Variants in CREB3L1 observed in about 807,000 individuals in gnomAD.
CREB3L1 encodes cAMP responsive element binding protein 3 like 1.
CREB3L1 carries 33 observed loss-of-function variants against 54.5 expected under a neutral mutation model. That is an observed-to-expected ratio of 0.61 (90% CI 0.46 to 0.81). The LOEUF (loss-of-function observed/expected upper bound fraction) is 0.81, where lower values mean the gene tolerates loss of function less well. Ranked by LOEUF, CREB3L1 falls within the 30% of genes least tolerant of loss-of-function variation. The pLI is 0.00. For synonymous variants in CREB3L1, 284 were observed against 286.4 expected, an observed-to-expected ratio of 0.99 and a Z score of 0.08; for missense variants, 656 against 673.3, an observed-to-expected ratio of 0.97 and a Z score of 0.29.
At chr11:46,307,743 G>C in intron 2 of CREB3L1, 73 bp from the exon 3 acceptor site, 1 of 1,327,952 alleles carries the variant, frequency 7.5e-7, no homozygotes, top group Non-Finnish European at 1.0e-6. Context: ...TCAGCCTAGG[G>C]TAGCTCCCAG....
Position 46,312,683 on chromosome 11 carries a change from G to T in CREB3L1, c.962+13G>T, listed in dbSNP as rs1293005947. 2 of 1,603,560 alleles carry T rather than the reference G, an allele frequency of 1.2e-6. No individual in the cohort carries two copies. The highest frequency in any genetic ancestry group is 2.7e-5 in the African/African-American group (2 of 74,846). The stretch of plus-strand genomic sequence containing the variant: ...GTCTAGAAAAGAAGTAAGGGGCTTG[G>T]GAGGGGTGGGCAATCCACTCCCTTG... On this transcript the variant is annotated intron_variant, in intron 7 of 11. Coordinates refer to ENST00000621158, the MANE Select transcript of CREB3L1 (RefSeq NM_052854.4).
chr11:46,285,341 T>A (rs1280972710), intron 1 of CREB3L1, among the ~76,000 whole-genome samples: 1 of 151,824 alleles, frequency 6.6e-6, no homozygotes, highest in Non-Finnish European at 1.5e-5. Flanking sequence ...TTGGGTGGAG[T>A]TAAGTCAAGA....
intron 1 of CREB3L1, among the ~76,000 whole-genome samples, chr11:46,296,833 C>T (rs1939217865): frequency 6.6e-6 from 1 of 152,156 alleles, no homozygotes; most frequent in Non-Finnish European, 1.5e-5. Context: ...GCTGCTGTTT[C>T]TAGCAGGTGG....
rs772466663 is a variant in CREB3L1, at chr11:46,307,964, C to T, written c.480C>T (p.Gly160=). The T allele has an allele frequency of 1.3e-6, 2 of 1,562,482 alleles. No individual in the cohort carries two copies. The highest frequency in any genetic ancestry group is 2.4e-5 in the East Asian group (1 of 41,746). The part of the protein sequence containing the change: ...AAAMATTPLL[G]LSPLSRLPIP... ...CCATGGCCACCACCCCGCTGCTGGG[C>T]CTCAGCCCCTTGTCCAGGCTGCCCA... The change falls in exon 3 of 12, where the codon GGC becomes GGT. Residue 160 remains glycine (G), a synonymous_variant. Transcript: ENST00000621158.
rs1014923136 is a variant in CREB3L1 at position 46,312,928 on chromosome 11, T to C, written c.1031+9T>C. Reference sequence around the variant, plus strand: ...CTGGAGAATGCCAACAGGTGGGTAGTGCCTCCTGCATCCAACCTGGCCCCC... The same window carrying C: ...CTGGAGAATGCCAACAGGTGGGTAGCGCCTCCTGCATCCAACCTGGCCCCC... On this transcript the variant is annotated intron_variant, in intron 8 of 11. Transcript: ENST00000621158. 2 of 1,572,062 alleles carry C rather than the reference T, an allele frequency of 1.3e-6. No individual in the cohort carries two copies. Among genetic ancestry groups the C allele is most frequent in the South Asian group, 2.3e-5 (2 of 85,610 alleles).
intron 1 of CREB3L1, among the ~76,000 whole-genome samples, chr11:46,299,657 C>T (rs751116282): frequency 6.6e-6 from 1 of 152,134 alleles, no homozygotes; most frequent in African/African-American, 2.4e-5. Context: ...CCATCCTGAG[C>T]TCACCCTTGC....
chr11:46,280,681 G>A (rs1436815579), intron 1 of CREB3L1, among the ~76,000 whole-genome samples: 1 of 152,166 alleles, frequency 6.6e-6, no homozygotes, highest in Admixed American at 6.5e-5. Flanking sequence ...GAATTGCTCA[G>A]CTACGAGTTG....
rs1665017362 is a variant in CREB3L1 at position 46,321,112 on chromosome 11, A to G, written c.*366A>G. 3 of 487,034 alleles carry G rather than the reference A, an allele frequency of 6.2e-6. No homozygotes were observed. The allele number at this position is 487,034 out of a possible 1,614,324, so 30.2% of individuals were successfully genotyped here. The stretch of plus-strand genomic sequence containing the variant: ...ACCCCTTACCCCACCCCCACTGTAC[A>G]GAGACCAAGAACAGAAATTGTTTGT... On this transcript the variant is annotated 3_prime_UTR_variant, in exon 12 of 12. Coordinates refer to ENST00000621158, the MANE Select transcript of CREB3L1 (RefSeq NM_052854.4).
intron 1 of CREB3L1, among the ~76,000 whole-genome samples, chr11:46,292,476 A>G (rs962649195): frequency 3.9e-4 from 59 of 152,360 alleles, no homozygotes; most frequent in African/African-American, 1.4e-3. Context: ...TGGACACAGC[A>G]AGACATATAG....
chr11:46,279,909 T>C (rs1938940914), intron 1 of CREB3L1, among the ~76,000 whole-genome samples: 1 of 152,146 alleles, frequency 6.6e-6, no homozygotes. Context: ...CCCCAGCTGC[T>C]TATCTGGGCC....
chr11:46,278,885 C>T lies in CREB3L1; in HGVS notation c.102+672C>T, dbSNP rs901056135. Among the ~76,000 whole-genome samples, 15 of 152,280 alleles carry T rather than the reference C, an allele frequency of 9.9e-5. No individual in the cohort carries two copies. The highest frequency in any genetic ancestry group is 1.9e-4 in the Non-Finnish European group (13 of 68,000). Reference sequence around the variant, plus strand: ...TCCTGGAGTCTGGCTGACTTTCTCCCTCTCCCTATGTCTTCTTGACTAGGT... The same window carrying T: ...TCCTGGAGTCTGGCTGACTTTCTCCTTCTCCCTATGTCTTCTTGACTAGGT... On this transcript the variant is annotated intron_variant, in intron 1 of 11. Coordinates refer to ENST00000621158, the MANE Select transcript of CREB3L1 (RefSeq NM_052854.4). The surrounding 1 kb of genome is among the most constrained non-coding windows in gnomAD (Gnocchi z 4.2).
Position 46,320,956 on chromosome 11 carries a change from C to T in CREB3L1, c.*210C>T, listed in dbSNP as rs372357504. ...TTCTCATTCTCCTTCCCACCAACAT[C>T]CATCCGTCCTTCTCAGACAAACCAC... On this transcript the variant is annotated 3_prime_UTR_variant, in exon 12 of 12. Coordinates refer to ENST00000621158, the MANE Select transcript of CREB3L1 (RefSeq NM_052854.4). 1 of 692,906 alleles carries T rather than the reference C, an allele frequency of 1.4e-6. No homozygotes were observed. The highest frequency in any genetic ancestry group is 1.5e-5 in the South Asian group (1 of 65,828). 42.9% of individuals were successfully genotyped at this position (692,906 alleles called of 1,614,324 possible). A position where few individuals can be genotyped will look rare whatever the true frequency, so the allele number is the denominator to read the frequency against.
intron 1 of CREB3L1, among the ~76,000 whole-genome samples, chr11:46,291,352 C>T (rs954331943): frequency 2.6e-5 from 4 of 152,190 alleles, no homozygotes; most frequent in Non-Finnish European, 5.9e-5. Flanking sequence ...AAGCACTTCG[C>T]AATTGTTGTC....
Position 46,310,065 on chromosome 11 carries a change from C to G in CREB3L1, c.593C>G (p.Pro198Arg). 1.3e-6 allele frequency: 2 copies of G among 1,587,802 alleles called. No individual in the cohort carries two copies. The highest frequency in any genetic ancestry group is 1.7e-6 in the Non-Finnish European group (2 of 1,166,886). Residue 198 changes from proline to arginine, a missense_variant and splice_region_variant, in exon 4 of 12, where the codon CCG becomes CGG. By Grantham distance (103) the Pro-to-Arg change is moderately radical (BLOSUM62 -2). Around this residue, in one of 3 missense-constraint regions of CREB3L1, gnomAD observed 339 missense variants for 331.5 expected, o/e 1.02. Coordinates refer to ENST00000621158, the MANE Select transcript of CREB3L1 (RefSeq NM_052854.4). Reference protein sequence around the residue: ...LEVNQFLKVTPEDLVQMPPTP... With the variant: ...LEVNQFLKVTREDLVQMPPTP... The stretch of plus-strand genomic sequence containing the variant: ...GTGAACCAGTTCCTCAAAGTGACAC[C>G]GGGTAGGTGTGTCCAGGGGAAGGGC...
chr11:46,300,180 C>A lies in CREB3L1; in HGVS notation c.331+17C>A, dbSNP rs531484710. 3.3e-5 allele frequency: 53 copies of A among 1,590,616 alleles called. No homozygotes were observed. Among genetic ancestry groups the A allele is most frequent in the African/African-American group, 1.1e-4 (8 of 74,486 alleles). On this transcript the variant is annotated intron_variant, in intron 2 of 11. Coordinates refer to ENST00000621158, the MANE Select transcript of CREB3L1 (RefSeq NM_052854.4). The stretch of plus-strand genomic sequence containing the variant: ...CCACCCAAGGTAAGAGGTGGAAGAA[C>A]CTGGGGACAGCACAGGCCCAGGAGG...
Position 46,278,289 on chromosome 11 carries a change from C to A in CREB3L1, c.102+76C>A. The A allele has an allele frequency of 1.2e-6, 1 of 866,384 alleles. No homozygotes were observed. The highest frequency in any genetic ancestry group is 1.8e-6 in the Non-Finnish European group (1 of 556,998). The allele number at this position is 866,384 out of a possible 1,614,324, so 53.7% of individuals were successfully genotyped here. A position where few individuals can be genotyped will look rare whatever the true frequency, so the allele number is the denominator to read the frequency against. On this transcript the variant is annotated intron_variant, in intron 1 of 11. Coordinates refer to ENST00000621158, the MANE Select transcript of CREB3L1 (RefSeq NM_052854.4). The surrounding 1 kb of genome is among the most constrained non-coding windows in gnomAD (Gnocchi z 4.2). ...CGGCGCGCCTGGGCCCCTAGAAGGA[C>A]CCGACTACACATCACTGGGCAGGAG...
At chr11:46,316,419 G>A (rs1205185147) in intron 9 of CREB3L1, 34 bp downstream of exon 9, 3 of 1,378,612 alleles carry the variant, frequency 2.2e-6, no homozygotes, top group Admixed American at 2.0e-5. Flanking sequence ...AGACCCACAG[G>A]AGGAGAGTTC....
chr11:46,283,972 T>G (rs1016166321), intron 1 of CREB3L1, among the ~76,000 whole-genome samples: 5 of 152,066 alleles, frequency 3.3e-5, no homozygotes, highest in African/African-American at 1.2e-4. Context: ...CTTAGGGTGG[T>G]GGGGATGCTG....
intron 7 of CREB3L1, 69 bp from the exon 8 acceptor site, chr11:46,312,782 G>A (rs1024059336): frequency 6.5e-7 from 1 of 1,547,474 alleles, no homozygotes; most frequent in South Asian, 1.2e-5. Flanking sequence ...TGATGGTGGT[G>A]GGCTGGGCCG....
Sources: gnomAD v4.1 joint callset for allele counts (sites outside exome capture counted in the v4.1 genomes callset) on GRCh38, gnomAD v4.1.1 for gene constraint, gnomAD v4.1.1 regional missense constraint, Gnocchi (gnomAD v3.1) non-coding constraint, MANE v1.5 for transcripts, NCBI Gene and HGNC (gene_info 2026-07-23, HGNC 2026-07-21) for gene names.